KALRN: variants seen among roughly 807,000 people sequenced by gnomAD.
The protein encoded by KALRN is kalirin RhoGEF kinase.
KALRN carries 70 observed loss-of-function variants against 353.7 expected under a neutral mutation model. That is an observed-to-expected ratio of 0.20 (90% CI 0.16 to 0.24). The LOEUF is 0.24. Among genes scored for constraint, KALRN ranks in the 10% least tolerant of loss-of-function variants. The pLI is 1.00. For synonymous variants in KALRN, 1,391 were observed against 1,434.8 expected (o/e 0.97, Z 0.69); for missense variants, 2,791 against 3,756.7 (o/e 0.74, Z 6.72).
intron 1 of KALRN, among the ~76,000 whole-genome samples, chr3:124,098,066 CAAGT>C (rs1373884110): frequency 6.6e-6 from 1 of 152,118 alleles, no homozygotes; most frequent in Non-Finnish European, 1.5e-5. Context: ...GGGGACCTGA[CAAGT>C]AAGGTAGGGG....
intron 1 of KALRN, among the ~76,000 whole-genome samples, chr3:124,166,441 A>T (rs1405080242): frequency 6.6e-6 from 1 of 152,220 alleles, no homozygotes; most frequent in East Asian, 1.9e-4. Flanking sequence ...ACCACCAGAT[A>T]GCTCAAATAA....
In KALRN at chr3:124,671,909, A is replaced by G; in HGVS notation, c.6942+11A>G. ...TTCGAAGCCAGCAAGGTAAGTGACA[A>G]CTCATTACTCCCACCCTTGTCACTA... On this transcript the variant is annotated intron_variant, in intron 48 of 59. Coordinates refer to ENST00000682506, the MANE Select transcript of KALRN (RefSeq NM_001388419.1). 1.3e-6 allele frequency: 2 copies of G among 1,568,020 alleles called. No homozygotes were observed. Among genetic ancestry groups the G allele is most frequent in the Non-Finnish European group, 1.8e-6 (2 of 1,138,520 alleles).
At chr3:124,663,526 T>G (rs2085164100) in intron 45 of KALRN, among the ~76,000 whole-genome samples, 2 of 152,186 alleles carry the variant, frequency 1.3e-5, no homozygotes, top group African/African-American at 4.8e-5. Context: ...TATCCAAACC[T>G]AATAAATTAA....
intron 51 of KALRN, among the ~76,000 whole-genome samples, chr3:124,689,938 A>G (rs2061734393): frequency 1.3e-5 from 2 of 152,350 alleles, no homozygotes; most frequent in Admixed American, 6.5e-5. Context: ...AGAGGTACCT[A>G]CAGCCCCTAG....
chr3:124,696,228 T>G lies in KALRN; in HGVS notation c.7672T>G (p.Ser2558Ala). ...AGCAACAAATGACCACGGGACCACA[T>G]CAACGTCTGCAACAGTCAAAGTGCA... ...CIATNDHGTT[S>A]TSATVKVQGV... The change falls in exon 54 of 60, where the codon TCA (serine) becomes GCA (alanine). Residue 2558 changes from serine (S) to alanine (A), a missense_variant. Ser to Ala is a moderately conservative substitution (Grantham distance 99, BLOSUM62 1). This residue lies in a region of KALRN where 1,065 missense variants were observed against 1,156.4 expected (regional missense o/e 0.92). Transcript: ENST00000682506. 5 of 1,614,060 alleles carry G rather than the reference T, an allele frequency of 3.1e-6. No individual in the cohort carries two copies. Among genetic ancestry groups the G allele is most frequent in the Non-Finnish European group, 4.2e-6 (5 of 1,179,906 alleles).
intron 33 of KALRN, chr3:124,562,593 A>G (rs1433358304): frequency 6.3e-6 from 2 of 315,370 alleles, no homozygotes; most frequent in East Asian, 8.4e-5. Flanking sequence ...TACAGCTAGA[A>G]AGCCTGAGTG....
intron 33 of KALRN, among the ~76,000 whole-genome samples, chr3:124,537,420 A>T (rs149387851): frequency 7.2e-5 from 11 of 152,320 alleles, no homozygotes; most frequent in Admixed American, 3.3e-4. Flanking sequence ...TCCAAGGCAA[A>T]AAATGTGCTG....
chr3:124,539,710 G>A (rs1011738555), intron 33 of KALRN, among the ~76,000 whole-genome samples: 4 of 152,172 alleles, frequency 2.6e-5, no homozygotes, highest in African/African-American at 9.7e-5. Context: ...GAGAAAAAAA[G>A]AGCAAGAGTC....
intron 33 of KALRN, chr3:124,518,347 A>G: frequency 6.7e-7 from 1 of 1,490,258 alleles, no homozygotes; most frequent in Admixed American, 1.7e-5. Flanking sequence ...GATCTCATGC[A>G]GATTTTTGCA....
At chr3:124,209,101 T>G (rs2084017) in intron 1 of KALRN, among the ~76,000 whole-genome samples, 123,671 of 151,944 alleles carry the variant, frequency 0.81, 51,193 homozygotes, top group Middle Eastern at 0.91. Flanking sequence ...ATAGGGACTT[T>G]ATGTACATTG....
Position 124,674,520 on chromosome 3 carries a change from G to A in KALRN, c.7099G>A (p.Asp2367Asn), listed in dbSNP as rs760479725. Residue 2367 changes from aspartate (D) to asparagine (N), a missense_variant, in exon 49 of 60, where the codon GAC becomes AAC. By Grantham distance (23) the Asp-to-Asn change is conservative (BLOSUM62 1). This residue lies in a region of KALRN where 1,065 missense variants were observed against 1,156.4 expected (regional missense o/e 0.92). Transcript: ENST00000682506. The part of the protein sequence containing the change: ...NMCLVYQPAS[D>N]HSPAAEGWVP... ...GTGTCTGGTGTACCAGCCTGCCAGC[G>A]ACCATTCCCCCGCCGCCGAGGGCTG... The A allele has an allele frequency of 2.5e-5, 41 of 1,613,692 alleles. No homozygotes were observed. Among genetic ancestry groups the A allele is most frequent in the Middle Eastern group, 1.6e-4 (1 of 6,084 alleles).
In KALRN at chr3:124,666,533, A is replaced by G. The variant is rs138817318; in HGVS notation, c.6430A>G (p.Lys2144Glu). The G allele has an allele frequency of 6.2e-7, 1 of 1,614,058 alleles. No individual in the cohort carries two copies. The highest frequency in any genetic ancestry group is 1.1e-5 in the South Asian group (1 of 91,076). ...GGATGCAGGCATGCAGTCCCGGACCAAAGAGAGGCGCGTGTTCCTCTTCGA... is the reference window on the plus strand; with the variant it reads ...GGATGCAGGCATGCAGTCCCGGACCGAAGAGAGGCGCGTGTTCCTCTTCGA... ...ELDAGMQSRTKERRVFLFEQI... is the reference protein window; with the variant it reads ...ELDAGMQSRTEERRVFLFEQI... The change falls in exon 46 of 60, where the codon AAA (lysine) becomes GAA (glutamate). Residue 2144 changes from lysine (K) to glutamate (E), a missense_variant. Coordinates refer to ENST00000682506, the MANE Select transcript of KALRN (RefSeq NM_001388419.1).
chr3:124,512,202 C>T (rs1184040531), intron 33 of KALRN, among the ~76,000 whole-genome samples: 1 of 152,188 alleles, frequency 6.6e-6, no homozygotes, highest in Non-Finnish European at 1.5e-5. Context: ...TTTTCCCTGG[C>T]CATTAGGCCA....
intron 45 of KALRN, among the ~76,000 whole-genome samples, chr3:124,663,614 T>C (rs2085179366): frequency 6.6e-6 from 1 of 152,252 alleles, no homozygotes; most frequent in African/African-American, 2.4e-5. Flanking sequence ...TAGTAGTTGT[T>C]GATCCCCTTA....
intron 10 of KALRN, among the ~76,000 whole-genome samples, chr3:124,366,983 G>A (rs1261054500): frequency 2.9e-5 from 4 of 139,902 alleles, no homozygotes; most frequent in African/African-American, 1.1e-4. Context: ...CTCACCTCCC[G>A]GACGGGGCGG....
intron 14 of KALRN, among the ~76,000 whole-genome samples, chr3:124,413,985 A>C (rs936998181): frequency 2.0e-5 from 3 of 152,116 alleles, no homozygotes; most frequent in Non-Finnish European, 4.4e-5. Flanking sequence ...AGATGCCTAT[A>C]ATCCCAGCTA....
At chr3:124,241,925 G>A (rs2080499306) in intron 3 of KALRN, among the ~76,000 whole-genome samples, 1 of 152,192 alleles carries the variant, frequency 6.6e-6, no homozygotes, top group African/African-American at 2.4e-5. Flanking sequence ...CACTGGGGGT[G>A]GGCAAAGGAG....
Position 124,695,419 on chromosome 3 carries a change from C to A in KALRN, c.7578-715C>A, listed in dbSNP as rs748494864. Among the ~76,000 whole-genome samples, 6 of 152,120 alleles carry A rather than the reference C, an allele frequency of 3.9e-5. 1 individual carries two copies. The highest frequency in any genetic ancestry group is 7.3e-5 in the Non-Finnish European group (5 of 68,028). On this transcript the variant is annotated intron_variant, in intron 53 of 59. Transcript: ENST00000682506. ...AAGAAGACCATCATTCCTTGGTATT[C>A]CCAGCAGAGACCATAAAGAGGCCAG...
intron 10 of KALRN, among the ~76,000 whole-genome samples, chr3:124,354,290 G>T (rs553589965): frequency 6.6e-6 from 1 of 152,280 alleles, no homozygotes; most frequent in Non-Finnish European, 1.5e-5. Flanking sequence ...CCATGTGATG[G>T]CAGTAACTAC....
Sources: gnomAD v4.1 joint callset for allele counts (sites outside exome capture counted in the v4.1 genomes callset) on GRCh38, gnomAD v4.1.1 for gene constraint, gnomAD v4.1.1 regional missense constraint, MANE v1.5 for transcripts, NCBI Gene and HGNC (gene_info 2026-07-23, HGNC 2026-07-21) for gene names.